Variants in DCBLD2 observed in about 807,000 individuals in gnomAD.
DCBLD2 encodes the protein discoidin, CUB and LCCL domain-containing protein 2.
DCBLD2 carries 54 observed loss-of-function variants against 86.8 expected under a neutral mutation model. That is an observed-to-expected ratio of 0.62 (90% confidence interval 0.50 to 0.78). The LOEUF (loss-of-function observed/expected upper bound fraction) is 0.78. Among genes scored for constraint, DCBLD2 ranks in the 30% least tolerant of loss-of-function variants. The pLI is 0.00. For synonymous variants in DCBLD2, 354 were observed against 341.3 expected (o/e 1.04, Z -0.41); for missense variants, 908 against 954.2 (o/e 0.95, Z 0.64).
intron 1 of DCBLD2, among the ~76,000 whole-genome samples, chr3:98,886,926 A>C (rs1023539309): frequency 6.6e-6 from 1 of 151,624 alleles, no homozygotes; most frequent in Admixed American, 6.6e-5. Context: ...TACTCTAATT[A>C]AACTCCAAAT....
chr3:98,875,011 G>A (rs1394173163), intron 2 of DCBLD2, among the ~76,000 whole-genome samples: 1 of 152,174 alleles, frequency 6.6e-6, no homozygotes, highest in Non-Finnish European at 1.5e-5. Context: ...ACCCGGAAAG[G>A]ATGCTCACTC....
intron 2 of DCBLD2, among the ~76,000 whole-genome samples, chr3:98,879,803 G>A (rs912067665): frequency 2.6e-5 from 4 of 152,042 alleles, no homozygotes; most frequent in African/African-American, 7.2e-5. Flanking sequence ...AAACTAGGTC[G>A]TTTGTTCTAC....
At position 98,901,589 on chromosome 3, in the gene DCBLD2, G is replaced by C; in HGVS notation, c.-263C>G. On this transcript the variant is annotated 5_prime_UTR_variant, in exon 1 of 16. Coordinates refer to ENST00000326840, the MANE Select transcript of DCBLD2 (RefSeq NM_080927.4). ...GGAAGCGGAGTCCTCGAGCCGCGGA[G>C]GACGGCCGCGGCGGAGCTAAGGAAC... The C allele has an allele frequency of 1.0e-5, 3 of 297,594 alleles. No individual in the cohort carries two copies. The highest frequency in any genetic ancestry group is 1.8e-5 in the Non-Finnish European group (3 of 163,064). The allele number at this position is 297,594 out of a possible 1,614,324, so 18.4% of individuals were successfully genotyped here.
rs1304884371 is a variant in DCBLD2 at position 98,901,239 on chromosome 3, GCGCGGCCCAGGCGGGGGCGGCGGC to G, written c.64_87del (p.Ala22_Ala29del). The G allele has an allele frequency of 1.3e-6, 2 of 1,534,560 alleles. No individual in the cohort carries two copies. The highest frequency in any genetic ancestry group is 1.7e-6 in the Non-Finnish European group (2 of 1,146,444). On this transcript the variant is annotated inframe_deletion, in exon 1 of 16. Transcript: ENST00000326840. Reference sequence around the variant, plus strand: ...GGAGGGAGGGAGCGGGAGAGGGGGAGCGCGGCCCAGGCGGGGGCGGCGGCCGCGGCCCGGACTTGGGGACACTGC... The same window carrying G: ...GGAGGGAGGGAGCGGGAGAGGGGGAGCGCGGCCCGGACTTGGGGACACTGC...
At chr3:98,838,897 G>A (rs574991389) in intron 3 of DCBLD2, among the ~76,000 whole-genome samples, 1 of 151,780 alleles carries the variant, frequency 6.6e-6, no homozygotes, top group Admixed American at 6.5e-5. Context: ...CCAGTCAGGC[G>A]TGGCGGCGCG....
rs150701472 is a variant in DCBLD2, at chr3:98,847,495, G to T, written c.571+1966C>A. Among the ~76,000 whole-genome samples the T allele has an allele frequency of 7.8e-3, 1,180 of 152,208 alleles. 27 individuals carry two copies. Among genetic ancestry groups the T allele is most frequent in the African/African-American group, 0.027 (1,126 of 41,530 alleles). On this transcript the variant is annotated intron_variant, in intron 3 of 15. Coordinates refer to ENST00000326840, the MANE Select transcript of DCBLD2 (RefSeq NM_080927.4). ...AAGATTTTGTTAGCCTTCACATCTT[G>T]CCCTACTGCTTATAAACTAAGGAAA... is the stretch of plus-strand genomic sequence containing the variant.
intron 2 of DCBLD2, among the ~76,000 whole-genome samples, chr3:98,862,133 T>G (rs1274523968): frequency 6.6e-6 from 1 of 151,932 alleles, no homozygotes; most frequent in Non-Finnish European, 1.5e-5. Context: ...AAGAAATGGA[T>G]AAGTTCCTGG....
At chr3:98,850,883 C>T (rs1384409696) in intron 2 of DCBLD2, among the ~76,000 whole-genome samples, 2 of 152,118 alleles carry the variant, frequency 1.3e-5, no homozygotes, top group Non-Finnish European at 1.5e-5. Context: ...TCCATAATAG[C>T]ATCAAAAAAG....
rs966340353 is a variant in DCBLD2 at position 98,796,758 on chromosome 3, A to G, written c.*2614T>C. ...AATAAAGTATAAGTCAGAATTCACA[A>G]TATCTTAAACTGTGCTGTTTCCTAA... On this transcript the variant is annotated 3_prime_UTR_variant, in exon 16 of 16. Coordinates refer to ENST00000326840, the MANE Select transcript of DCBLD2 (RefSeq NM_080927.4). 1 of 152,656 alleles carries G rather than the reference A, an allele frequency of 6.6e-6. No individual in the cohort carries two copies. The highest frequency in any genetic ancestry group is 6.5e-5 in the Admixed American group (1 of 15,282). 9.5% of individuals were successfully genotyped at this position (152,656 alleles called of 1,614,324 possible).
At chr3:98,843,106 T>C (rs1477660027) in intron 3 of DCBLD2, among the ~76,000 whole-genome samples, 1 of 152,224 alleles carries the variant, frequency 6.6e-6, no homozygotes, top group Non-Finnish European at 1.5e-5. Flanking sequence ...TTAAATTCTC[T>C]TTCTCTGCAA....
intron 10 of DCBLD2, among the ~76,000 whole-genome samples, chr3:98,811,945 A>G (rs1253703140): frequency 1.3e-5 from 2 of 152,226 alleles, no homozygotes; most frequent in African/African-American, 2.4e-5. Flanking sequence ...AAAAGTAAAC[A>G]GTATATTAAA....
At chr3:98,811,680 A>G (rs996086663) in intron 10 of DCBLD2, 126 bp from the exon 11 acceptor site, 32 of 888,630 alleles carry the variant, frequency 3.6e-5, no homozygotes, top group Non-Finnish European at 4.5e-5. Flanking sequence ...TAACTCTCAG[A>G]GAGAAATATA....
In DCBLD2 at chr3:98,846,197, C is replaced by CA. The variant is rs1942718424; in HGVS notation, c.571+3263dup. 2.0e-5 allele frequency among the ~76,000 whole-genome samples: 3 copies of CA among 152,288 alleles called. No individual in the cohort carries two copies. In the South Asian group the frequency reaches 6.2e-4, roughly 32 times the overall value. ...ATCTCATGCAAAATGATGACTCTAT[C>CA]AACAACCCATGCTATAACACAAGTC... On this transcript the variant is annotated intron_variant, in intron 3 of 15. Coordinates refer to ENST00000326840, the MANE Select transcript of DCBLD2 (RefSeq NM_080927.4).
chr3:98,876,412 T>TAAAAAAAA (rs60681986), intron 2 of DCBLD2, among the ~76,000 whole-genome samples: 8 of 47,532 alleles, frequency 1.7e-4, no homozygotes, highest in East Asian at 5.5e-4. Context: ...AGATAAAAAG[T>TAAAAAAAA]AAAAAAAAAA....
intron 3 of DCBLD2, among the ~76,000 whole-genome samples, chr3:98,839,206 T>TCCTTC (rs1471906567): frequency 6.7e-6 from 1 of 149,970 alleles, no homozygotes; most frequent in Non-Finnish European, 1.5e-5. Flanking sequence ...CTTCCTTCCT[T>TCCTTC]CTTTCTTTCC....
At chr3:98,839,172 C>T (rs7372290) in intron 3 of DCBLD2, among the ~76,000 whole-genome samples, 2,051 of 21,968 alleles carry the variant, frequency 0.093, 34 homozygotes, top group South Asian at 0.17. Context: ...TCTTTCTTTC[C>T]TTTCTTTCTT....
At chr3:98,884,829 G>A (rs551427165) in intron 1 of DCBLD2, among the ~76,000 whole-genome samples, 1 of 152,124 alleles carries the variant, frequency 6.6e-6, no homozygotes, top group African/African-American at 2.4e-5. Context: ...CTGAATCTAC[G>A]ACTTTGTAGT....
intron 9 of DCBLD2, 127 bp from the exon 10 acceptor site, chr3:98,812,609 G>T: frequency 3.0e-6 from 2 of 677,056 alleles, no homozygotes; most frequent in East Asian, 3.1e-5. Context: ...TGATAATAAG[G>T]ATCAATTTTT....
rs561457431 is a variant in DCBLD2 at position 98,862,715 on chromosome 3, G to A, written c.434-13117C>T. Among the ~76,000 whole-genome samples, 15 of 152,222 alleles carry A rather than the reference G, an allele frequency of 9.9e-5. 1 individual carries two copies. The East Asian group carries it at 1.3e-3, about 14-fold the overall frequency. On this transcript the variant is annotated intron_variant, in intron 2 of 15. Transcript: ENST00000326840. ...TCAATAAATCATGTATTGATGAGAC[G>A]TGTCTCAAAATAATAAGAGTTATTT...
Sources: allele counts gnomAD v4.1 joint callset (sites outside exome capture counted in the v4.1 genomes callset), GRCh38; gene constraint gnomAD v4.1.1; transcripts MANE v1.5; gene names NCBI Gene and HGNC (gene_info 2026-07-23, HGNC 2026-07-21).